Variants in STAG1 observed in about 807,000 individuals in gnomAD.
STAG1 encodes the protein STAG1 cohesin complex component.
A neutral mutation model predicts 170.9 loss-of-function variants in STAG1; 26 were observed. The observed-to-expected ratio is 0.15, with a 90% CI of 0.11 to 0.21. The LOEUF is 0.21. STAG1 is among the 10% of genes least tolerant of loss of function. STAG1 has a pLI of 1.00. For missense variants in STAG1, 964 were observed against 1,509.5 expected (o/e 0.64, Z 5.99); for synonymous variants, 514 against 497.7 (o/e 1.03, Z -0.44).
At chr3:136,429,296 A>G (rs2088225385) in intron 16 of STAG1, among the ~76,000 whole-genome samples, 5 of 152,164 alleles carry the variant, frequency 3.3e-5, no homozygotes, top group Admixed American at 3.3e-4. Flanking sequence ...AATCCCTGGT[A>G]CTTGGGAGTC....
At chr3:136,709,672 C>T (rs1201519665) in intron 1 of STAG1, among the ~76,000 whole-genome samples, 1 of 151,830 alleles carries the variant, frequency 6.6e-6, no homozygotes, top group East Asian at 1.9e-4. Flanking sequence ...GAGTTCAAGG[C>T]TACAGTAAGT....
chr3:136,560,405 A>G (rs1032599607), intron 5 of STAG1, among the ~76,000 whole-genome samples: 4 of 152,256 alleles, frequency 2.6e-5, no homozygotes, highest in African/African-American at 9.6e-5. Context: ...TACTTTGAAT[A>G]TATGGAGAAC....
intron 22 of STAG1, among the ~76,000 whole-genome samples, chr3:136,381,350 A>G (rs1937950341): frequency 6.6e-6 from 1 of 152,222 alleles, no homozygotes; most frequent in Non-Finnish European, 1.5e-5. Flanking sequence ...AATCTAAGAA[A>G]TTATTTGAGA....
At chr3:136,628,945 T>A (rs1205350858) in intron 2 of STAG1, among the ~76,000 whole-genome samples, 1 of 152,192 alleles carries the variant, frequency 6.6e-6, no homozygotes, top group Non-Finnish European at 1.5e-5. Flanking sequence ...GTCTTTATAG[T>A]GTCTACATTT....
At chr3:136,511,559 T>C (rs910112158) in intron 7 of STAG1, among the ~76,000 whole-genome samples, 4 of 152,140 alleles carry the variant, frequency 2.6e-5, no homozygotes, top group Non-Finnish European at 5.9e-5. Flanking sequence ...GAAAACCAAA[T>C]ACCTCATGTT....
intron 1 of STAG1, among the ~76,000 whole-genome samples, chr3:136,696,669 G>C (rs1942902036): frequency 6.6e-6 from 1 of 151,930 alleles, no homozygotes; most frequent in Non-Finnish European, 1.5e-5. Context: ...GCTCAATTTT[G>C]CTGTAAATCT....
chr3:136,413,647 A>AT (rs2087692526), intron 21 of STAG1, among the ~76,000 whole-genome samples: 1 of 151,980 alleles, frequency 6.6e-6, no homozygotes, highest in Non-Finnish European at 1.5e-5. Context: ...TAGTAGAGGC[A>AT]GCATTTTGCC....
chr3:136,488,882 T>A (rs982764678), intron 9 of STAG1, among the ~76,000 whole-genome samples: 3 of 152,240 alleles, frequency 2.0e-5, no homozygotes, highest in Non-Finnish European at 4.4e-5. Flanking sequence ...ATTAAATTTA[T>A]TTTTAAACAA....
intron 7 of STAG1, among the ~76,000 whole-genome samples, chr3:136,507,709 T>A (rs1374912380): frequency 6.6e-6 from 1 of 152,178 alleles, no homozygotes; most frequent in East Asian, 1.9e-4. Context: ...ATTTTCCTAC[T>A]CATCACTATT....
At chr3:136,732,360 G>A (rs998393412) in intron 1 of STAG1, among the ~76,000 whole-genome samples, 13 of 151,676 alleles carry the variant, frequency 8.6e-5, no homozygotes, top group African/African-American at 3.2e-4. Flanking sequence ...TTTGCTCTTG[G>A]TTTCATGCCT....
At chr3:136,370,397 A>C (rs982070174) in intron 23 of STAG1, among the ~76,000 whole-genome samples, 4 of 152,074 alleles carry the variant, frequency 2.6e-5, no homozygotes, top group African/African-American at 9.7e-5. Context: ...TTTAGGGTAC[A>C]TGTGCACAAC....
At position 136,338,222 on chromosome 3, in the gene STAG1, A is replaced by T; in HGVS notation, c.*32T>A. 6.6e-7 allele frequency: 1 copy of T among 1,525,448 alleles called. No homozygotes were observed. Among genetic ancestry groups the T allele is most frequent in the Non-Finnish European group, 9.1e-7 (1 of 1,102,630 alleles). The allele number at this position is 1,525,448 out of a possible 1,614,324, so 94.5% of individuals were successfully genotyped here. A position where few individuals can be genotyped will look rare whatever the true frequency, so the allele number is the denominator to read the frequency against. The stretch of plus-strand genomic sequence containing the variant: ...ATATAGGCCTCTAGCTCTAAATAAT[A>T]GAGTTCCAGATTTGTAAATTTTCTT... On this transcript the variant is annotated 3_prime_UTR_variant, in exon 34 of 34. Transcript: ENST00000383202.
chr3:136,354,966 G>C (rs1422983673), intron 28 of STAG1, among the ~76,000 whole-genome samples: 1 of 152,006 alleles, frequency 6.6e-6, no homozygotes, highest in African/African-American at 2.4e-5. Context: ...TCAAAATAAA[G>C]CTGGAGTGAT....
At chr3:136,510,036 T>A (rs768801954) in intron 7 of STAG1, among the ~76,000 whole-genome samples, 2 of 152,254 alleles carry the variant, frequency 1.3e-5, no homozygotes, top group Non-Finnish European at 2.9e-5. Context: ...AATCCATTTA[T>A]CTCTTAAAAA....
rs142046040 is a variant in STAG1, at chr3:136,477,972, T to C, written c.903-560A>G. The stretch of plus-strand genomic sequence containing the variant: ...ACCTGAGTAATTTTTGTATTTTTAG[T>C]AGAGATGGGGTTTCATCATATTGGC... On this transcript the variant is annotated intron_variant, in intron 9 of 33. Transcript: ENST00000383202. Among the ~76,000 whole-genome samples the C allele has an allele frequency of 2.1e-3, 327 of 152,130 alleles. 9 individuals are homozygous for C. The East Asian group carries it at 0.053, about 25-fold the overall frequency.
intron 1 of STAG1, among the ~76,000 whole-genome samples, chr3:136,713,245 G>A (rs1404411571): frequency 6.6e-6 from 1 of 152,086 alleles, no homozygotes. Flanking sequence ...CCACAACATG[G>A]ATGAATCTCA....
intron 1 of STAG1, among the ~76,000 whole-genome samples, chr3:136,685,909 T>G (rs975274526): frequency 3.0e-5 from 3 of 98,610 alleles, no homozygotes; most frequent in African/African-American, 2.0e-4. Context: ...GTCTTTAGTA[T>G]GTCTGAAGAA....
At chr3:136,585,319 G>A (rs541379831) in intron 4 of STAG1, among the ~76,000 whole-genome samples, 10 of 152,274 alleles carry the variant, frequency 6.6e-5, no homozygotes, top group Admixed American at 1.3e-4. Flanking sequence ...GTGTTCACCT[G>A]TAATCTCAGC....
At chr3:136,520,138 G>C (rs1273685360) in intron 7 of STAG1, among the ~76,000 whole-genome samples, 1 of 152,088 alleles carries the variant, frequency 6.6e-6, no homozygotes, top group Non-Finnish European at 1.5e-5. Context: ...TGGGCAACAG[G>C]TTAAGCCAAA....
Sources: gnomAD v4.1 joint callset for allele counts (sites outside exome capture counted in the v4.1 genomes callset) on GRCh38, gnomAD v4.1.1 for gene constraint, MANE v1.5 for transcripts, NCBI Gene and HGNC (gene_info 2026-07-23, HGNC 2026-07-21) for gene names.